NDUFV2: variants seen among roughly 807,000 people sequenced by gnomAD.
The protein encoded by NDUFV2 is NADH dehydrogenase [ubiquinone] flavoprotein 2, mitochondrial.
Under a neutral mutation model 31.6 loss-of-function variants are expected in NDUFV2, and 18 were observed. The ratio of observed to expected loss-of-function variants is 0.57; its 90% CI spans 0.39 to 0.84. NDUFV2 has a LOEUF of 0.84. NDUFV2 is among the 40% of genes least tolerant of loss of function. The probability of loss-of-function intolerance (pLI) is 0.00; values close to 1 mark genes in which losing one functional copy is unlikely to be tolerated. For missense variants in NDUFV2, 314 were observed against 303.6 expected (o/e 1.03, Z -0.26); for synonymous variants, 83 against 99.8 (o/e 0.83, Z 1.01).
chr18:9,125,671 T>C (rs958213430), intron 6 of NDUFV2, among the ~76,000 whole-genome samples: 2 of 152,190 alleles, frequency 1.3e-5, no homozygotes, highest in African/African-American at 2.4e-5. Context: ...TATCACCGTT[T>C]TCATTCAAGA....
At position 9,111,675 on chromosome 18, in the gene NDUFV2, C is replaced by T. The variant is rs539848605; in HGVS notation, c.55-6163C>T. Among the ~76,000 whole-genome samples the T allele has an allele frequency of 9.4e-4, 143 of 151,942 alleles. 1 individual carries two copies. The highest frequency in any genetic ancestry group is 3.4e-3 in the African/African-American group (139 of 41,292). On this transcript the variant is annotated intron_variant, in intron 1 of 7. Transcript: ENST00000318388. ...AACTCATGACCTCAGGTGATCCGTC[C>T]GCCTCAGCCTCCTAAAGTGATGGGA...
chr18:9,118,784 A>G (rs2077912293), intron 2 of NDUFV2, among the ~76,000 whole-genome samples: 2 of 128,060 alleles, frequency 1.6e-5, no homozygotes, highest in African/African-American at 2.9e-5. Context: ...GCTGTTGGCT[A>G]TTATGGAAAA....
At position 9,122,153 on chromosome 18, in the gene NDUFV2, A is replaced by G. The variant is rs189290120; in HGVS notation, c.301-360A>G. 2.1e-3 allele frequency among the ~76,000 whole-genome samples: 320 copies of G among 152,278 alleles called. 1 individual carries two copies. Among genetic ancestry groups the G allele is most frequent in the Middle Eastern group, 0.017 (5 of 294 alleles). ...TTTGGCCATCAATTTTTTGCCATTTAGACAGATTATAAAATGTGAGTTGAC... is the reference window on the plus strand; with the variant it reads ...TTTGGCCATCAATTTTTTGCCATTTGGACAGATTATAAAATGTGAGTTGAC... On this transcript the variant is annotated intron_variant, in intron 4 of 7. Coordinates refer to ENST00000318388, the MANE Select transcript of NDUFV2 (RefSeq NM_021074.5).
chr18:9,120,298 T>G (rs1438877163), intron 4 of NDUFV2, among the ~76,000 whole-genome samples: 1 of 152,214 alleles, frequency 6.6e-6, no homozygotes, highest in Non-Finnish European at 1.5e-5. Context: ...TTAAGCTGTG[T>G]TATATAATGG....
At chr18:9,107,913 G>GT (rs1220795581) in intron 1 of NDUFV2, among the ~76,000 whole-genome samples, 4 of 152,206 alleles carry the variant, frequency 2.6e-5, no homozygotes, top group Non-Finnish European at 1.5e-5. Context: ...AGTGGAAGGT[G>GT]TAAGTTGAGA....
intron 5 of NDUFV2, among the ~76,000 whole-genome samples, chr18:9,124,087 A>AT (rs2077964569): frequency 6.6e-6 from 1 of 152,210 alleles, no homozygotes. Flanking sequence ...GCACTGCTGT[A>AT]TAACAGTAAA....
intron 1 of NDUFV2, among the ~76,000 whole-genome samples, chr18:9,116,356 C>CCTT (rs3837903): frequency 0.79 from 119,944 of 151,862 alleles, 47,565 homozygotes; most frequent in Middle Eastern, 0.88. Flanking sequence ...TAAAATTAAT[C>CCTT]CTTTTATTAT....
chr18:9,130,467 A>G (rs1056102854), intron 7 of NDUFV2, among the ~76,000 whole-genome samples: 1 of 152,190 alleles, frequency 6.6e-6, no homozygotes, highest in East Asian at 1.9e-4. Flanking sequence ...AGCAGACAAA[A>G]GTCTACTTAG....
At chr18:9,113,317 G>A (rs1279014203) in intron 1 of NDUFV2, among the ~76,000 whole-genome samples, 2 of 152,150 alleles carry the variant, frequency 1.3e-5, no homozygotes, top group Non-Finnish European at 2.9e-5. Context: ...TCTCTGTTGA[G>A]ATATTTTGAT....
chr18:9,103,818 T>A, intron 1 of NDUFV2: 1 of 203,200 alleles, frequency 4.9e-6, no homozygotes, highest in Non-Finnish European at 9.9e-6. Flanking sequence ...CGTCATGCAC[T>A]GCTGAGCTCT....
intron 5 of NDUFV2, among the ~76,000 whole-genome samples, chr18:9,123,808 A>G (rs1356564400): frequency 1.3e-5 from 2 of 152,018 alleles, no homozygotes; most frequent in Non-Finnish European, 2.9e-5. Context: ...TTTTTCTTTT[A>G]CAAACAGTTA....
Position 9,117,761 on chromosome 18 carries a change from G to A in NDUFV2, c.55-77G>A, listed in dbSNP as rs991047471. On this transcript the variant is annotated intron_variant, in intron 1 of 7. Transcript: ENST00000318388. ...AGTTGATTCCATTGTTGTAAATTAT[G>A]AATCCTAAAGTATTTCTTTATGAAA... 14 of 809,786 alleles carry A rather than the reference G, an allele frequency of 1.7e-5. No homozygotes were observed. In the African/African-American group the frequency reaches 2.4e-4, roughly 14 times the overall value. The allele number at this position is 809,786 out of a possible 1,614,324, so 50.2% of individuals were successfully genotyped here. A position where few individuals can be genotyped will look rare whatever the true frequency, so the allele number is the denominator to read the frequency against.
chr18:9,117,262 C>T (rs1598345017), intron 1 of NDUFV2: 1 of 153,588 alleles, frequency 6.5e-6, no homozygotes, highest in East Asian at 1.9e-4. Flanking sequence ...GTCTCGATCT[C>T]TTGACCTCGT....
intron 7 of NDUFV2, among the ~76,000 whole-genome samples, chr18:9,128,460 T>C (rs2078011322): frequency 6.6e-6 from 1 of 152,240 alleles, no homozygotes; most frequent in South Asian, 2.1e-4. Context: ...CCTGAGCCTA[T>C]AGAATTGAAT....
At chr18:9,118,273 T>C (rs2077909242) in intron 2 of NDUFV2, among the ~76,000 whole-genome samples, 1 of 152,194 alleles carries the variant, frequency 6.6e-6, no homozygotes, top group African/African-American at 2.4e-5. Flanking sequence ...ATTTTAGTAA[T>C]GTAGTAACTA....
At chr18:9,113,602 A>G (rs1029583290) in intron 1 of NDUFV2, among the ~76,000 whole-genome samples, 1 of 152,158 alleles carries the variant, frequency 6.6e-6, no homozygotes, top group African/African-American at 2.4e-5. Flanking sequence ...AAGAAGTAAA[A>G]ACTAAAAGGC....
At chr18:9,107,337 G>C (rs1214985105) in intron 1 of NDUFV2, among the ~76,000 whole-genome samples, 1 of 152,192 alleles carries the variant, frequency 6.6e-6, no homozygotes, top group East Asian at 1.9e-4. Flanking sequence ...ATAAATTACA[G>C]GTCTGTTGCC....
intron 7 of NDUFV2, among the ~76,000 whole-genome samples, chr18:9,131,218 G>A (rs2078037687): frequency 6.6e-6 from 1 of 152,128 alleles, no homozygotes. Context: ...TCATTTTCAT[G>A]TTGTATAGGC....
At chr18:9,131,757 CTG>C in intron 7 of NDUFV2, among the ~76,000 whole-genome samples, 1 of 146,456 alleles carries the variant, frequency 6.8e-6, no homozygotes, top group Non-Finnish European at 1.6e-5. Flanking sequence ...GTTGGAATGA[CTG>C]ACGAACCATA....
Sources: gnomAD v4.1 joint callset for allele counts (sites outside exome capture counted in the v4.1 genomes callset) on GRCh38, gnomAD v4.1.1 for gene constraint, MANE v1.5 for transcripts, NCBI Gene and HGNC (gene_info 2026-07-23, HGNC 2026-07-21) for gene names.